CSMD3: variants seen among roughly 807,000 people sequenced by gnomAD.
The protein encoded by CSMD3 is CUB and sushi domain-containing protein 3.
CSMD3 carries 177 observed loss-of-function variants against 435.2 expected under a neutral mutation model. That is an observed-to-expected ratio of 0.41 (90% CI 0.36 to 0.46). The LOEUF is 0.46. CSMD3 is among the 20% of genes least tolerant of loss of function. The pLI, the probability that CSMD3 is intolerant of heterozygous loss-of-function variation, is 0.34. For synonymous variants in CSMD3, 1,656 were observed against 1,520.5 expected, an observed-to-expected ratio of 1.09 and a Z score of -2.07; for missense variants, 4,265 against 4,504.6, an observed-to-expected ratio of 0.95 and a Z score of 1.52.
intron 15 of CSMD3, 78 bp from the exon 16 acceptor site, chr8:112,682,714 G>A: frequency 3.4e-6 from 3 of 892,850 alleles, no homozygotes; most frequent in Non-Finnish European, 5.5e-6. Flanking sequence ...TTTTGGAAAA[G>A]AGAGAGAGAG....
intron 12 of CSMD3, among the ~76,000 whole-genome samples, chr8:112,813,223 G>T (rs2079277711): frequency 6.6e-6 from 1 of 152,148 alleles, no homozygotes; most frequent in Non-Finnish European, 1.5e-5. Context: ...CAGCATGGAA[G>T]GGGTCCCAAA....
chr8:112,309,696 G>A lies in CSMD3; in HGVS notation c.7885+1282C>T, dbSNP rs1332363706. Among the ~76,000 whole-genome samples the A allele has an allele frequency of 3.3e-5, 5 of 152,098 alleles. No homozygotes were observed. In the South Asian group the frequency reaches 6.2e-4, roughly 19 times the overall value. ...CCCAGAATCCTAATAAGTGATTAAT[G>A]TTTCCTTGCATCAATACAACAAGAA... On this transcript the variant is annotated intron_variant, in intron 50 of 70. Transcript: ENST00000297405.
intron 3 of CSMD3, among the ~76,000 whole-genome samples, chr8:113,240,203 C>CTGA (rs2093198475): frequency 6.6e-6 from 1 of 152,112 alleles, no homozygotes; most frequent in African/African-American, 2.4e-5. Flanking sequence ...GGTTTTATTG[C>CTGA]TTCATAGTAT....
At chr8:112,389,991 C>G (rs1268917627) in intron 36 of CSMD3, among the ~76,000 whole-genome samples, 1 of 152,164 alleles carries the variant, frequency 6.6e-6, no homozygotes, top group Non-Finnish European at 1.5e-5. Flanking sequence ...TAACACAGAT[C>G]TGGCTTAGTT....
At chr8:113,159,284 C>T (rs2091992989) in intron 4 of CSMD3, among the ~76,000 whole-genome samples, 1 of 151,626 alleles carries the variant, frequency 6.6e-6, no homozygotes. Context: ...GTGATACATA[C>T]TTTAAGATGT....
chr8:113,324,114 G>A (rs1023601622), intron 1 of CSMD3, among the ~76,000 whole-genome samples: 2 of 152,104 alleles, frequency 1.3e-5, no homozygotes, highest in East Asian at 3.9e-4. Flanking sequence ...TTCAGAAGGG[G>A]AGCAGACCAT....
At chr8:112,546,627 A>C (rs1827204612) in intron 27 of CSMD3, among the ~76,000 whole-genome samples, 1 of 152,210 alleles carries the variant, frequency 6.6e-6, no homozygotes, top group South Asian at 2.1e-4. Context: ...TGACAGCATG[A>C]TACCCAATGA....
intron 1 of CSMD3, among the ~76,000 whole-genome samples, chr8:113,415,090 G>A (rs1201841476): frequency 6.6e-6 from 1 of 152,186 alleles, no homozygotes; most frequent in East Asian, 1.9e-4. Context: ...TACCGAAGAA[G>A]CTATGTTGCA....
intron 3 of CSMD3, among the ~76,000 whole-genome samples, chr8:113,248,144 TG>T (rs2093295229): frequency 6.6e-6 from 1 of 151,900 alleles, no homozygotes; most frequent in Non-Finnish European, 1.5e-5. Context: ...TTTGAAAATG[TG>T]GGGTATTTTA....
At chr8:112,956,003 A>C (rs1209932153) in intron 7 of CSMD3, among the ~76,000 whole-genome samples, 2 of 151,900 alleles carry the variant, frequency 1.3e-5, no homozygotes, top group Admixed American at 1.3e-4. Context: ...ATAGTAGAGA[A>C]AGGGCCTGAT....
At chr8:112,639,073 TTGTG>T (rs1043738610) in intron 20 of CSMD3, among the ~76,000 whole-genome samples, 162 bp from the exon 21 acceptor site, 2 of 152,080 alleles carry the variant, frequency 1.3e-5, no homozygotes, top group African/African-American at 4.8e-5. Context: ...ATTATTCTTT[TTGTG>T]TGTGTTTTTC....
chr8:113,185,951 G>A (rs1174092484), intron 3 of CSMD3, among the ~76,000 whole-genome samples: 6 of 151,912 alleles, frequency 3.9e-5, no homozygotes, highest in Admixed American at 2.6e-4. Flanking sequence ...AATCTGCCCC[G>A]TATCTGTCAG....
At chr8:113,330,704 T>C (rs1194088608) in intron 1 of CSMD3, among the ~76,000 whole-genome samples, 1 of 151,880 alleles carries the variant, frequency 6.6e-6, no homozygotes, top group Non-Finnish European at 1.5e-5. Flanking sequence ...AAATGAATAC[T>C]TTTATAGTCA....
chr8:113,047,441 T>A (rs566858041), intron 5 of CSMD3, among the ~76,000 whole-genome samples: 1 of 152,344 alleles, frequency 6.6e-6, no homozygotes, highest in South Asian at 2.1e-4. Context: ...TGGTTTCAGT[T>A]ATCCAAAGTC....
At chr8:113,088,537 A>G (rs1453286076) in intron 5 of CSMD3, among the ~76,000 whole-genome samples, 2 of 151,818 alleles carry the variant, frequency 1.3e-5, no homozygotes, top group African/African-American at 2.4e-5. Context: ...GCCATAAAAA[A>G]GGATAAGTTC....
At chr8:112,298,905 CT>C (rs901823729) in intron 53 of CSMD3, among the ~76,000 whole-genome samples, 4 of 152,030 alleles carry the variant, frequency 2.6e-5, no homozygotes, top group Non-Finnish European at 4.4e-5. Flanking sequence ...CACAAAAAGA[CT>C]TTTACATGAG....
At chr8:112,813,953 C>A (rs1447303909) in intron 12 of CSMD3, among the ~76,000 whole-genome samples, 1 of 152,212 alleles carries the variant, frequency 6.6e-6, no homozygotes, top group African/African-American at 2.4e-5. Context: ...CAAGGCTTCG[C>A]CCCGTCCTCC....
intron 10 of CSMD3, among the ~76,000 whole-genome samples, chr8:112,899,109 A>G (rs1182699960): frequency 6.6e-6 from 1 of 151,234 alleles, no homozygotes; most frequent in Non-Finnish European, 1.5e-5. Flanking sequence ...TTAAAATATT[A>G]TAGAATTGCC....
chr8:113,256,512 A>C (rs1387687742), intron 3 of CSMD3, among the ~76,000 whole-genome samples: 1 of 152,192 alleles, frequency 6.6e-6, no homozygotes, highest in East Asian at 1.9e-4. Context: ...GTTATAACTG[A>C]GTTTCTTCAG....
Sources: allele counts gnomAD v4.1 joint callset (sites outside exome capture counted in the v4.1 genomes callset), GRCh38; gene constraint gnomAD v4.1.1; transcripts MANE v1.5; gene names NCBI Gene and HGNC (gene_info 2026-07-23, HGNC 2026-07-21).